CNTNAP5: variants seen among roughly 807,000 people sequenced by gnomAD.
The protein encoded by CNTNAP5 is contactin associated protein family member 5.
CNTNAP5 carries 72 observed loss-of-function variants against 150.2 expected under a neutral mutation model. The observed-to-expected ratio is 0.48, with a 90% CI of 0.40 to 0.58. The LOEUF is 0.58. Ranked by LOEUF, CNTNAP5 falls within the 20% of genes least tolerant of loss-of-function variation. CNTNAP5 has a pLI of 0.00. For synonymous variants in CNTNAP5, 672 were observed against 619.8 expected (o/e 1.08, Z -1.25); for missense variants, 1,636 against 1,626.2 (o/e 1.01, Z -0.10).
At chr2:124,094,978 A>C (rs1682900897) in intron 1 of CNTNAP5, among the ~76,000 whole-genome samples, 1 of 152,200 alleles carries the variant, frequency 6.6e-6, no homozygotes, top group Non-Finnish European at 1.5e-5. Context: ...TTTACCTTTA[A>C]AAAGCTGCAC....
At position 124,688,088 on chromosome 2, in the gene CNTNAP5, A is replaced by C. The variant is rs186283466; in HGVS notation, c.2077+40130A>C. The stretch of plus-strand genomic sequence containing the variant: ...ATTGAAGGAAGCATTGCTAGCTATA[A>C]GATAGTCTTTCCTGGGATTTTTCCA... On this transcript the variant is annotated intron_variant, in intron 13 of 23. Transcript: ENST00000682447. Among the ~76,000 whole-genome samples, 93 of 152,180 alleles carry C rather than the reference A, an allele frequency of 6.1e-4. 1 individual carries two copies. In the East Asian group the frequency reaches 9.5e-3, roughly 16 times the overall value.
chr2:124,110,334 T>A (rs1305150875), intron 1 of CNTNAP5, among the ~76,000 whole-genome samples: 9 of 152,166 alleles, frequency 5.9e-5, no homozygotes, highest in Non-Finnish European at 8.8e-5. Context: ...TTCAAGCCTA[T>A]CTGGACTCAT....
intron 1 of CNTNAP5, among the ~76,000 whole-genome samples, chr2:124,033,949 C>T (rs1302877005): frequency 6.6e-6 from 1 of 151,740 alleles, no homozygotes; most frequent in African/African-American, 2.4e-5. Context: ...AGAGATAGTA[C>T]TGGGTATCTG....
chr2:124,530,851 C>T (rs1374352510), intron 10 of CNTNAP5, among the ~76,000 whole-genome samples: 1 of 152,088 alleles, frequency 6.6e-6, no homozygotes, highest in Non-Finnish European at 1.5e-5. Flanking sequence ...CACCCTAAGC[C>T]CCTGTCCTTC....
chr2:124,629,936 C>CAAAAAAAA (rs70996084), intron 12 of CNTNAP5, among the ~76,000 whole-genome samples: 7,494 of 67,164 alleles, frequency 0.11, 868 homozygotes, highest in Middle Eastern at 0.18. Context: ...CACCTCTATG[C>CAAAAAAAA]AAAAAAAAAA....
At chr2:124,849,788 C>T (rs1240097916) in intron 19 of CNTNAP5, among the ~76,000 whole-genome samples, 1 of 152,150 alleles carries the variant, frequency 6.6e-6, no homozygotes, top group Non-Finnish European at 1.5e-5. Context: ...GAAGCTTGGC[C>T]TCAGAATGGT....
At chr2:124,072,757 C>A (rs1326719724) in intron 1 of CNTNAP5, among the ~76,000 whole-genome samples, 1 of 151,796 alleles carries the variant, frequency 6.6e-6, no homozygotes, top group African/African-American at 2.4e-5. Context: ...TCAGGTGAAT[C>A]AATATTATTA....
At chr2:124,544,449 TA>T (rs1277617501) in intron 10 of CNTNAP5, among the ~76,000 whole-genome samples, 1 of 152,228 alleles carries the variant, frequency 6.6e-6, no homozygotes, top group Non-Finnish European at 1.5e-5. Context: ...CCATAGTTCT[TA>T]ATCCTCTTCT....
chr2:124,908,546 G>A (rs80275923), intron 22 of CNTNAP5, among the ~76,000 whole-genome samples: 164 of 152,186 alleles, frequency 1.1e-3, no homozygotes, highest in African/African-American at 3.8e-3. Context: ...TAATTTCTAT[G>A]ACCTAATGAA....
Position 124,919,163 on chromosome 2 carries a change from G to A in CNTNAP5, c.*4875G>A, listed in dbSNP as rs1678825634. On this transcript the variant is annotated 3_prime_UTR_variant, in exon 24 of 24. Coordinates refer to ENST00000682447, the MANE Select transcript of CNTNAP5 (RefSeq NM_001367498.1). The stretch of plus-strand genomic sequence containing the variant: ...CTCACATGCACACTTTGTACAAATA[G>A]GGCTGTTATTCAACTTTTCTCTTGA... Among the ~76,000 whole-genome samples, 1 of 151,918 alleles carries A rather than the reference G, an allele frequency of 6.6e-6. No individual in the cohort carries two copies.
At chr2:124,902,843 A>G (rs763165636) in intron 21 of CNTNAP5, 39 bp from the exon 22 acceptor site, 2 of 1,494,438 alleles carry the variant, frequency 1.3e-6, no homozygotes, top group Non-Finnish European at 1.8e-6. Context: ...GGAAAAAACA[A>G]AAAAAGTAAA....
intron 19 of CNTNAP5, among the ~76,000 whole-genome samples, chr2:124,844,147 T>G: frequency 6.6e-6 from 1 of 152,164 alleles, no homozygotes; most frequent in Non-Finnish European, 1.5e-5. Flanking sequence ...GCTTTAGGTC[T>G]TAGATTTAAG....
intron 3 of CNTNAP5, among the ~76,000 whole-genome samples, chr2:124,343,490 G>C (rs755913872): frequency 1.3e-5 from 2 of 152,004 alleles, no homozygotes. Flanking sequence ...GATTCTTAGG[G>C]GGTTTGTCAA....
intron 1 of CNTNAP5, among the ~76,000 whole-genome samples, chr2:124,071,121 A>C (rs1682292946): frequency 1.3e-5 from 2 of 152,040 alleles, no homozygotes; most frequent in Admixed American, 1.3e-4. Context: ...ATAAGAAGGC[A>C]ATTGAAAATT....
intron 13 of CNTNAP5, among the ~76,000 whole-genome samples, chr2:124,666,693 T>G (rs190477935): frequency 1.5e-3 from 225 of 152,294 alleles, no homozygotes; most frequent in African/African-American, 5.3e-3. Context: ...CTATGCACTG[T>G]TGACATATTT....
At chr2:124,281,302 C>T (rs976541597) in intron 3 of CNTNAP5, among the ~76,000 whole-genome samples, 1 of 152,040 alleles carries the variant, frequency 6.6e-6, no homozygotes, top group East Asian at 1.9e-4. Context: ...AAGAAGTCTA[C>T]GAAAATAAAC....
Position 124,423,652 on chromosome 2 carries a change from C to CTTTTTT in CNTNAP5, c.529+6087_529+6092dup, listed in dbSNP as rs1187961580. ...TGAGCCACTGCGCCCGGCTAATTAA[C>CTTTTTT]TTTTTTTTTTTTTTTTTTTTTTTTT... On this transcript the variant is annotated intron_variant, in intron 4 of 23. Coordinates refer to ENST00000682447, the MANE Select transcript of CNTNAP5 (RefSeq NM_001367498.1). Among the ~76,000 whole-genome samples the CTTTTTT allele has an allele frequency of 9.5e-3, 395 of 41,594 alleles. 100 individuals are homozygous for CTTTTTT. Among genetic ancestry groups the CTTTTTT allele is most frequent in the African/African-American group, 0.017 (166 of 9,632 alleles). 27.3% of individuals were successfully genotyped at this position (41,594 alleles called of 152,430 possible).
At chr2:124,638,180 GAT>G (rs1678011580) in intron 12 of CNTNAP5, among the ~76,000 whole-genome samples, 2 of 135,648 alleles carry the variant, frequency 1.5e-5, no homozygotes, top group South Asian at 4.3e-4. Context: ...ATATATATAT[GAT>G]ATATATGAGA....
intron 11 of CNTNAP5, among the ~76,000 whole-genome samples, chr2:124,597,081 C>A (rs1696845276): frequency 6.6e-6 from 1 of 150,606 alleles, no homozygotes; most frequent in Admixed American, 6.7e-5. Context: ...GAATACAGCT[C>A]TTGACTCTTT....
Sources: gnomAD v4.1 joint callset for allele counts (sites outside exome capture counted in the v4.1 genomes callset) on GRCh38, gnomAD v4.1.1 for gene constraint, MANE v1.5 for transcripts, NCBI Gene and HGNC (gene_info 2026-07-23, HGNC 2026-07-21) for gene names.